Variants in PTK2 observed in about 807,000 individuals in gnomAD.
The protein encoded by PTK2 is protein tyrosine kinase 2, also known as focal adhesion kinase 1.
PTK2 carries 45 observed loss-of-function variants against 150.1 expected under a neutral mutation model. That is an observed-to-expected ratio of 0.30 (90% CI 0.24 to 0.38). The LOEUF (loss-of-function observed/expected upper bound fraction) is 0.38, where lower values mean the gene tolerates loss of function less well. Among genes scored for constraint, PTK2 ranks in the 10% least tolerant of loss-of-function variants. The pLI, the probability that PTK2 is intolerant of heterozygous loss-of-function variation, is 1.00. For synonymous variants in PTK2, 432 were observed against 449.2 expected, an observed-to-expected ratio of 0.96 and a Z score of 0.48; for missense variants, 919 against 1,307.3, an observed-to-expected ratio of 0.70 and a Z score of 4.58.
At chr8:140,876,123 C>T (rs1051099246) in intron 4 of PTK2, among the ~76,000 whole-genome samples, 3 of 151,898 alleles carry the variant, frequency 2.0e-5, no homozygotes, top group Non-Finnish European at 2.9e-5. Flanking sequence ...TTTATGTGTG[C>T]GTTCTTCAAA....
At chr8:140,768,363 A>G (rs1486487677) in intron 14 of PTK2, among the ~76,000 whole-genome samples, 1 of 152,230 alleles carries the variant, frequency 6.6e-6, no homozygotes, top group African/African-American at 2.4e-5. Context: ...TGAGAAATTC[A>G]TAGGTGGGAA....
At chr8:140,888,447 T>A (rs1270812816) in intron 3 of PTK2, among the ~76,000 whole-genome samples, 2 of 152,242 alleles carry the variant, frequency 1.3e-5, no homozygotes, top group Admixed American at 6.5e-5. Context: ...TGCCTCAATC[T>A]GAAAATCACT....
intron 1 of PTK2, among the ~76,000 whole-genome samples, chr8:140,967,805 G>A (rs2100185847): frequency 6.6e-6 from 1 of 152,064 alleles, no homozygotes; most frequent in Non-Finnish European, 1.5e-5. Flanking sequence ...ACTCATCTAT[G>A]AAGCTCCCCA....
chr8:140,891,287 A>T (rs544773466), intron 2 of PTK2, among the ~76,000 whole-genome samples: 1 of 152,308 alleles, frequency 6.6e-6, no homozygotes, highest in East Asian at 1.9e-4. Flanking sequence ...TTAACAGGAG[A>T]ATCAGACAGA....
chr8:140,793,453 C>A, intron 12 of PTK2, 69 bp from the exon 13 acceptor site: 1 of 1,556,716 alleles, frequency 6.4e-7, no homozygotes, highest in South Asian at 1.2e-5. Context: ...TGCCTAGAAT[C>A]AGGGAGGAAG....
intron 26 of PTK2, among the ~76,000 whole-genome samples, chr8:140,698,924 A>ATTTTTTTTTT (rs10713722): frequency 2.8e-4 from 27 of 96,148 alleles, no homozygotes; most frequent in Non-Finnish European, 4.6e-4. Context: ...TAATTTTTGT[A>ATTTTTTTTTT]TTTTTTTTTT....
rs188241886 is a variant in PTK2 at position 140,694,995 on chromosome 8, T to C, written c.2499+5896A>G. Among the ~76,000 whole-genome samples the C allele has an allele frequency of 3.1e-4, 47 of 152,300 alleles. No homozygotes were observed. In the East Asian group the frequency reaches 7.1e-3, roughly 23 times the overall value. Reference sequence around the variant, plus strand: ...GTGCACCAAGCTTTCCATGCGGCTGTCTAAAAATCTGCATCTCCAGCGCAG... The same window carrying C: ...GTGCACCAAGCTTTCCATGCGGCTGCCTAAAAATCTGCATCTCCAGCGCAG... On this transcript the variant is annotated intron_variant, in intron 26 of 31. Transcript: ENST00000522684.
At chr8:140,850,380 C>T (rs541964464) in intron 5 of PTK2, among the ~76,000 whole-genome samples, 1 of 151,646 alleles carries the variant, frequency 6.6e-6, no homozygotes, top group South Asian at 2.1e-4. Context: ...GAGCCAAGAT[C>T]GTGCCATTGC....
rs2100189585 is a variant in PTK2, at chr8:140,977,214, A to T, written c.-122+23911T>A. Among the ~76,000 whole-genome samples the T allele has an allele frequency of 3.9e-5, 6 of 152,230 alleles. No homozygotes were observed. In the South Asian group the frequency reaches 1.2e-3, roughly 32 times the overall value. ...AGACCAAGTTTGGCAACATAGTGGG[A>T]CCCTATCTCTAAAGAAAATTTAAAA... On this transcript the variant is annotated intron_variant, in intron 1 of 31. Coordinates refer to ENST00000522684, the Ensembl canonical transcript of PTK2.
intron 26 of PTK2, among the ~76,000 whole-genome samples, chr8:140,690,118 A>G (rs2100022229): frequency 6.6e-6 from 1 of 152,000 alleles, no homozygotes; most frequent in African/African-American, 2.4e-5. Context: ...ACGCCCGGCT[A>G]ATTTTTTGTA....
At chr8:140,984,172 CA>C (rs1555499273) in intron 1 of PTK2, 7,074 of 150,588 alleles carry the variant, frequency 0.047, 568 homozygotes, top group African/African-American at 0.17. Context: ...CAAAAAAAAA[CA>C]AAAAAAAAAG....
At chr8:140,806,433 CGA>C in intron 10 of PTK2, among the ~76,000 whole-genome samples, 1 of 151,910 alleles carries the variant, frequency 6.6e-6, no homozygotes, top group East Asian at 1.9e-4. Flanking sequence ...TCCAACAGAC[CGA>C]GAGCTGAACA....
At chr8:140,828,455 T>C (rs2100113273) in intron 8 of PTK2, among the ~76,000 whole-genome samples, 1 of 152,126 alleles carries the variant, frequency 6.6e-6, no homozygotes, top group Non-Finnish European at 1.5e-5. Context: ...ATCTAGAATG[T>C]ATTGGACTCC....
chr8:140,814,776 C>CTT (rs1167413529), intron 10 of PTK2, among the ~76,000 whole-genome samples: 8 of 141,876 alleles, frequency 5.6e-5, no homozygotes, highest in Non-Finnish European at 9.3e-5. Flanking sequence ...ATAAATTGTT[C>CTT]TTTTTTTTTT....
Position 140,802,407 on chromosome 8 carries a change from T to G in PTK2, c.975+1136A>C, listed in dbSNP as rs1243502361. Among the ~76,000 whole-genome samples, 3 of 152,150 alleles carry G rather than the reference T, an allele frequency of 2.0e-5. No homozygotes were observed. The East Asian group carries it at 5.8e-4, about 29-fold the overall frequency. On this transcript the variant is annotated intron_variant, in intron 11 of 31. Transcript: ENST00000522684. ...GAAAATTTTTTGTACAGCTGTACAA[T>G]ATATTTAAAATTAATTGTTATTACA...
intron 14 of PTK2, among the ~76,000 whole-genome samples, chr8:140,771,960 T>G (rs537122982): frequency 2.0e-5 from 3 of 151,788 alleles, no homozygotes; most frequent in Non-Finnish European, 4.4e-5. Flanking sequence ...TTGTATTTTT[T>G]TTTTTTTTAG....
intron 25 of PTK2, among the ~76,000 whole-genome samples, chr8:140,701,583 T>G (rs1291343861): frequency 6.6e-6 from 1 of 152,126 alleles, no homozygotes; most frequent in African/African-American, 2.4e-5. Context: ...ATTTTTAAAC[T>G]ATAGGAGTAG....
chr8:140,953,006 A>G (rs1437829220), intron 1 of PTK2, among the ~76,000 whole-genome samples: 1 of 152,248 alleles, frequency 6.6e-6, no homozygotes, highest in Non-Finnish European at 1.5e-5. Flanking sequence ...CAATAACCCC[A>G]TAAGGGAGAT....
intron 10 of PTK2, among the ~76,000 whole-genome samples, chr8:140,808,821 C>T (rs2154600927): frequency 6.7e-6 from 1 of 149,598 alleles, no homozygotes; most frequent in East Asian, 1.9e-4. Flanking sequence ...CTGCAATCTC[C>T]ACCTCCCGGG....
Sources: gnomAD v4.1 joint callset for allele counts (sites outside exome capture counted in the v4.1 genomes callset) on GRCh38, gnomAD v4.1.1 for gene constraint, MANE v1.5 for transcripts, NCBI Gene and HGNC (gene_info 2026-07-23, HGNC 2026-07-21) for gene names.